The following CD44 variants were observed in gnomAD, a reference collection of about 807,000 sequenced individuals.
The protein encoded by CD44 is CD44 molecule (IN blood group), also known as CD44 antigen.
CD44 carries 49 observed loss-of-function variants against 88.8 expected under a neutral mutation model. The ratio of observed to expected loss-of-function variants is 0.55; its 90% CI spans 0.44 to 0.70. The LOEUF is 0.70. Ranked by LOEUF, CD44 falls within the 30% of genes least tolerant of loss-of-function variation. The probability of loss-of-function intolerance (pLI) is 0.00; values close to 1 mark genes in which losing one functional copy is unlikely to be tolerated. For missense variants in CD44, 883 were observed against 913.8 expected, an observed-to-expected ratio of 0.97 and a Z score of 0.43; for synonymous variants, 325 against 312.3, an observed-to-expected ratio of 1.04 and a Z score of -0.43.
intron 12 of CD44, 28 bp from the exon 13 acceptor site, chr11:35,209,937 A>C: frequency 7.0e-7 from 1 of 1,435,118 alleles, no homozygotes; most frequent in Non-Finnish European, 9.6e-7. Context: ...CTTCAAATTA[A>C]CACTGGATTC....
chr11:35,169,137 CG>C (rs1248390205), intron 1 of CD44, among the ~76,000 whole-genome samples: 2 of 151,954 alleles, frequency 1.3e-5, no homozygotes, highest in African/African-American at 4.8e-5. Context: ...TGCAGCCTGT[CG>C]GGGGTTGGGG....
intron 5 of CD44, among the ~76,000 whole-genome samples, chr11:35,193,067 T>C (rs1946425310): frequency 6.6e-6 from 1 of 152,132 alleles, no homozygotes; most frequent in East Asian, 1.9e-4. Flanking sequence ...TTCCCGGGGA[T>C]GCTCAGGTTT....
rs556978798 is a variant in CD44 at position 35,222,362 on chromosome 11, C to A, written c.2024+630C>A. The stretch of plus-strand genomic sequence containing the variant: ...TTGTAATGATATCATTTTCTATTTT[C>A]TGGGAACTGTAGTTGAAGAGATTCA... On this transcript the variant is annotated intron_variant, in intron 17 of 17. Coordinates refer to ENST00000428726, the MANE Select transcript of CD44 (RefSeq NM_000610.4). 6.9e-5 allele frequency: 86 copies of A among 1,243,356 alleles called. 2 individuals carry two copies. The South Asian group carries it at 1.0e-3, about 15-fold the overall frequency. The allele number at this position is 1,243,356 out of a possible 1,614,324, so 77.0% of individuals were successfully genotyped here. A position where few individuals can be genotyped will look rare whatever the true frequency, so the allele number is the denominator to read the frequency against.
intron 1 of CD44, among the ~76,000 whole-genome samples, chr11:35,149,059 C>G (rs1386872301): frequency 6.6e-6 from 1 of 152,110 alleles, no homozygotes; most frequent in Non-Finnish European, 1.5e-5. Context: ...TGTATTTTGT[C>G]CAGTAGAACG....
At position 35,222,292 on chromosome 11, in the gene CD44, G is replaced by C. The variant is rs77890226; in HGVS notation, c.2024+560G>C. The C allele has an allele frequency of 1.7e-5, 11 of 639,138 alleles. No individual in the cohort carries two copies. The African/African-American group carries it at 2.1e-4, about 12-fold the overall frequency. 39.6% of individuals were successfully genotyped at this position (639,138 alleles called of 1,614,324 possible). A position where few individuals can be genotyped will look rare whatever the true frequency, so the allele number is the denominator to read the frequency against. ...TATTGGCCTTGTGCTTTTGTTTGTC[G>C]TTTGTTTTTTTATTGGCCTTGTGCT... On this transcript the variant is annotated intron_variant, in intron 17 of 17. Transcript: ENST00000428726.
intron 1 of CD44, among the ~76,000 whole-genome samples, chr11:35,167,332 G>A (rs956376765): frequency 5.3e-5 from 8 of 151,874 alleles, no homozygotes; most frequent in Non-Finnish European, 8.8e-5. Flanking sequence ...GACCATACTC[G>A]GCTATCCTTG....
At chr11:35,142,335 A>G (rs1311083824) in intron 1 of CD44, among the ~76,000 whole-genome samples, 1 of 152,190 alleles carries the variant, frequency 6.6e-6, no homozygotes, top group African/African-American at 2.4e-5. Context: ...TCATGCTGCT[A>G]TAAAGACACA....
chr11:35,205,816 G>A (rs2134108313), intron 10 of CD44: 1 of 1,035,426 alleles, frequency 9.7e-7, no homozygotes, highest in Non-Finnish European at 1.2e-6. Context: ...GGGTCAAGAA[G>A]TACTTCTCCT....
chr11:35,219,025 T>G (rs1407084097), intron 15 of CD44: 1 of 361,398 alleles, frequency 2.8e-6, no homozygotes. Flanking sequence ...CGGTGAGACT[T>G]AAATCCAGGG....
chr11:35,220,178 A>C (rs1949176234), intron 16 of CD44, among the ~76,000 whole-genome samples: 1 of 152,170 alleles, frequency 6.6e-6, no homozygotes, highest in Non-Finnish European at 1.5e-5. Context: ...GCCTAAGCAC[A>C]CCTGAAGACA....
In CD44 at chr11:35,200,315, T is replaced by A. The variant is rs7110737; in HGVS notation, c.923-767T>A. On this transcript the variant is annotated intron_variant, in intron 7 of 17. Coordinates refer to ENST00000428726, the MANE Select transcript of CD44 (RefSeq NM_000610.4). ...ATGATCCTTCTGTTAGGTGCATCTC[T>A]TATTCCAGCCCTAACAGATTGGGTG... Among the ~76,000 whole-genome samples the A allele has an allele frequency of 0.35, 52,903 of 152,016 alleles. 10,788 individuals carry two copies. Among genetic ancestry groups the A allele is most frequent in the East Asian group, 0.59 (3,063 of 5,162 alleles).
chr11:35,197,975 T>A, intron 6 of CD44, 146 bp from the exon 7 acceptor site: 1 of 682,900 alleles, frequency 1.5e-6, no homozygotes. Context: ...GATCAGAACA[T>A]AAGAATTTGG....
At chr11:35,165,720 G>A (rs1408777572) in intron 1 of CD44, among the ~76,000 whole-genome samples, 1 of 152,120 alleles carries the variant, frequency 6.6e-6, no homozygotes, top group African/African-American at 2.4e-5. Flanking sequence ...TGGCAGGAAG[G>A]CAAGGTGTGC....
chr11:35,171,156 G>A (rs1390266348), intron 1 of CD44, among the ~76,000 whole-genome samples: 2 of 152,090 alleles, frequency 1.3e-5, no homozygotes, highest in African/African-American at 4.8e-5. Context: ...TAATAATTTG[G>A]GTTTGCGTTA....
intron 2 of CD44, 48 bp from the exon 3 acceptor site, chr11:35,180,226 T>G: frequency 1.9e-6 from 3 of 1,596,574 alleles, no homozygotes; most frequent in Non-Finnish European, 2.6e-6. Context: ...ATTATGAAAT[T>G]CCCATCTTAG....
intron 5 of CD44, among the ~76,000 whole-genome samples, chr11:35,194,440 C>T (rs1273610581): frequency 6.6e-6 from 1 of 152,188 alleles, no homozygotes; most frequent in Admixed American, 6.5e-5. Flanking sequence ...ACTGTGCACT[C>T]AAACAGCCAC....
At chr11:35,166,435 C>T (rs949169626) in intron 1 of CD44, among the ~76,000 whole-genome samples, 2 of 152,250 alleles carry the variant, frequency 1.3e-5, no homozygotes, top group African/African-American at 4.8e-5. Context: ...AAGTCCCCAT[C>T]ATCCCATTAG....
In CD44 at chr11:35,139,268, T is replaced by A. The variant is rs1369541479; in HGVS notation, c.-36T>A. ...GCCCCGCGCCCAGGGATCCTCCAGC[T>A]CCTTTCGCCCGCGCCCTCCGTTCGC... is the stretch of plus-strand genomic sequence containing the variant. On this transcript the variant is annotated 5_prime_UTR_variant, in exon 1 of 18. Transcript: ENST00000428726. 6.5e-7 allele frequency: 1 copy of A among 1,538,254 alleles called. No individual in the cohort carries two copies. The highest frequency in any genetic ancestry group is 8.8e-7 in the Non-Finnish European group (1 of 1,134,380).
intron 11 of CD44, among the ~76,000 whole-genome samples, chr11:35,207,759 T>C (rs571703743): frequency 6.6e-6 from 1 of 152,336 alleles, no homozygotes; most frequent in South Asian, 2.1e-4. Context: ...CTTTGTCTTT[T>C]CTCCATGTGT....
Sources: gnomAD v4.1 joint callset for allele counts (sites outside exome capture counted in the v4.1 genomes callset) on GRCh38, gnomAD v4.1.1 for gene constraint, MANE v1.5 for transcripts, NCBI Gene and HGNC (gene_info 2026-07-23, HGNC 2026-07-21) for gene names.